BAIAP2L1: variants seen among roughly 807,000 people sequenced by gnomAD.
BAIAP2L1 encodes the protein BAR/IMD domain containing adaptor protein 2 like 1.
BAIAP2L1 carries 35 observed loss-of-function variants against 66.3 expected under a neutral mutation model. That is an observed-to-expected ratio of 0.53 (90% CI 0.40 to 0.70). The LOEUF is 0.70. Among genes scored for constraint, BAIAP2L1 ranks in the 30% least tolerant of loss-of-function variants. The probability of loss-of-function intolerance (pLI) is 0.00; values close to 1 mark genes in which losing one functional copy is unlikely to be tolerated. For missense variants in BAIAP2L1, 622 were observed against 656.9 expected (o/e 0.95, Z 0.58); for synonymous variants, 269 against 248.7 (o/e 1.08, Z -0.77).
chr7:98,318,258 G>C (rs1801140246), intron 5 of BAIAP2L1, among the ~76,000 whole-genome samples: 1 of 152,156 alleles, frequency 6.6e-6, no homozygotes, highest in African/African-American at 2.4e-5. Flanking sequence ...TTCCTCAAAG[G>C]CTTTTTGATG....
At chr7:98,315,014 C>T (rs946357701) in intron 7 of BAIAP2L1, among the ~76,000 whole-genome samples, 1 of 152,200 alleles carries the variant, frequency 6.6e-6, no homozygotes, top group African/African-American at 2.4e-5. Flanking sequence ...TTTATATGTT[C>T]AAGTTGGCCA....
chr7:98,381,603 G>T (rs979919193), intron 1 of BAIAP2L1, among the ~76,000 whole-genome samples: 1 of 152,174 alleles, frequency 6.6e-6, no homozygotes, highest in Non-Finnish European at 1.5e-5. Flanking sequence ...AAGCAATTGG[G>T]ACCAGTGTGA....
chr7:98,318,505 C>G (rs1344449999), intron 5 of BAIAP2L1, among the ~76,000 whole-genome samples: 1 of 151,946 alleles, frequency 6.6e-6, no homozygotes, highest in African/African-American at 2.4e-5. Context: ...TGGTCTCGAA[C>G]TCCTGACCTT....
intron 12 of BAIAP2L1, among the ~76,000 whole-genome samples, chr7:98,297,372 G>C (rs1800236924): frequency 6.6e-6 from 1 of 152,176 alleles, no homozygotes; most frequent in Non-Finnish European, 1.5e-5. Flanking sequence ...GTCCCGGGCA[G>C]CTCGGAGCAC....
intron 12 of BAIAP2L1, among the ~76,000 whole-genome samples, chr7:98,297,894 C>T (rs1412500933): frequency 1.3e-5 from 2 of 152,114 alleles, no homozygotes; most frequent in African/African-American, 4.8e-5. Context: ...TGGGAGGGAG[C>T]CAATACTTCC....
intron 6 of BAIAP2L1, among the ~76,000 whole-genome samples, chr7:98,316,477 C>T (rs1801079680): frequency 6.6e-6 from 1 of 152,164 alleles, no homozygotes; most frequent in Non-Finnish European, 1.5e-5. Context: ...TTATACTTAA[C>T]TCAGGGAAAC....
At chr7:98,347,697 C>G (rs1801903234) in intron 3 of BAIAP2L1, among the ~76,000 whole-genome samples, 1 of 152,010 alleles carries the variant, frequency 6.6e-6, no homozygotes, top group Non-Finnish European at 1.5e-5. Flanking sequence ...ATGGTGTGAA[C>G]CCGGGAAGCG....
At chr7:98,391,588 T>C (rs964014394) in intron 1 of BAIAP2L1, among the ~76,000 whole-genome samples, 3 of 151,738 alleles carry the variant, frequency 2.0e-5, no homozygotes, top group African/African-American at 7.3e-5. Context: ...GGCGGGCACC[T>C]GTAGTCCCAG....
chr7:98,364,261 T>C (rs1425470676), intron 1 of BAIAP2L1, among the ~76,000 whole-genome samples: 1 of 152,242 alleles, frequency 6.6e-6, no homozygotes, highest in African/African-American at 2.4e-5. Context: ...CAATTGTTTC[T>C]TTCCGCCCCG....
intron 3 of BAIAP2L1, among the ~76,000 whole-genome samples, chr7:98,336,746 A>G (rs997354179): frequency 1.3e-5 from 2 of 152,250 alleles, no homozygotes; most frequent in Admixed American, 1.3e-4. Flanking sequence ...CCCTTAAGAA[A>G]GAGAATACAA....
At chr7:98,378,170 A>G (rs1253689132) in intron 1 of BAIAP2L1, among the ~76,000 whole-genome samples, 1 of 151,134 alleles carries the variant, frequency 6.6e-6, no homozygotes, top group Non-Finnish European at 1.5e-5. Flanking sequence ...AAATAAAAAC[A>G]AAAACGAACA....
At chr7:98,307,342 G>A (rs1800697424) in intron 10 of BAIAP2L1, 27 of 1,052,342 alleles carry the variant, frequency 2.6e-5, no homozygotes, top group Non-Finnish European at 3.0e-5. Flanking sequence ...CTAACCTCAG[G>A]TGATCTGCCC....
At chr7:98,380,796 C>T (rs934195197) in intron 1 of BAIAP2L1, among the ~76,000 whole-genome samples, 30 of 150,808 alleles carry the variant, frequency 2.0e-4, no homozygotes, top group African/African-American at 7.3e-4. Flanking sequence ...CTACCACCAC[C>T]ACCATCGCCA....
intron 2 of BAIAP2L1, among the ~76,000 whole-genome samples, chr7:98,356,017 T>G (rs2115697561): frequency 6.6e-6 from 1 of 152,340 alleles, no homozygotes. Context: ...ATGCTCTACT[T>G]TTTCTTTTTT....
intron 1 of BAIAP2L1, chr7:98,386,469 A>G: frequency 1.9e-6 from 3 of 1,597,328 alleles, no homozygotes; most frequent in Non-Finnish European, 2.5e-6. Context: ...TCTTATACTG[A>G]ACATAGCAGG....
chr7:98,302,770 C>T (rs1800481584), intron 12 of BAIAP2L1, among the ~76,000 whole-genome samples: 3 of 152,174 alleles, frequency 2.0e-5, no homozygotes, highest in Admixed American at 2.0e-4. Context: ...GATCCAGATT[C>T]AAACAACTAC....
At chr7:98,351,057 C>A (rs925161223) in intron 3 of BAIAP2L1, among the ~76,000 whole-genome samples, 40 of 152,184 alleles carry the variant, frequency 2.6e-4, no homozygotes, top group Non-Finnish European at 1.0e-4. Flanking sequence ...AGACAGGTTT[C>A]ACCATGTTGG....
intron 1 of BAIAP2L1, among the ~76,000 whole-genome samples, chr7:98,366,717 C>A (rs1238458683): frequency 6.6e-6 from 1 of 152,204 alleles, no homozygotes; most frequent in Admixed American, 6.5e-5. Context: ...TATCACTAGA[C>A]GCAGTCAGGT....
intron 1 of BAIAP2L1, among the ~76,000 whole-genome samples, chr7:98,384,156 GA>G (rs76408692): frequency 0.47 from 52,579 of 112,252 alleles, 10,690 homozygotes; most frequent in Middle Eastern, 0.65. Context: ...CTCCGTCTCA[GA>G]AAAAAAAAAA....
Sources: gnomAD v4.1 joint callset for allele counts (sites outside exome capture counted in the v4.1 genomes callset) on GRCh38, gnomAD v4.1.1 for gene constraint, MANE v1.5 for transcripts, NCBI Gene and HGNC (gene_info 2026-07-23, HGNC 2026-07-21) for gene names.